TPST1: variants seen among roughly 807,000 people sequenced by gnomAD.
The protein encoded by TPST1 is tyrosylprotein sulfotransferase 1, also known as protein-tyrosine sulfotransferase 1.
In TPST1, 20 loss-of-function variants were observed where a neutral mutation model predicts 34.8. The ratio of observed to expected loss-of-function variants is 0.57; its 90% CI spans 0.40 to 0.84. TPST1 has a LOEUF of 0.84. Among genes scored for constraint, TPST1 ranks in the 40% least tolerant of loss-of-function variants. TPST1 has a pLI of 0.00. For synonymous variants in TPST1, 152 were observed against 159.4 expected (o/e 0.95, Z 0.35); for missense variants, 353 against 455.5 (o/e 0.78, Z 2.05).
intron 4 of TPST1, chr7:66,352,777 T>C: frequency 1.0e-6 from 1 of 985,390 alleles, no homozygotes; most frequent in Non-Finnish European, 1.2e-6. Flanking sequence ...GCTCAGTGTC[T>C]CCCAAAACCA....
chr7:66,324,885 A>C (rs1464345029), intron 3 of TPST1, among the ~76,000 whole-genome samples: 1 of 151,340 alleles, frequency 6.6e-6, no homozygotes, highest in Non-Finnish European at 1.5e-5. Context: ...TCTTCCAGGC[A>C]AAAAAAACAA....
At chr7:66,328,884 C>A (rs866623917) in intron 3 of TPST1, among the ~76,000 whole-genome samples, 212 of 29,390 alleles carry the variant, frequency 7.2e-3, no homozygotes, top group South Asian at 0.015. Context: ...CTCTCTCTCT[C>A]TCTATATATA....
intron 3 of TPST1, among the ~76,000 whole-genome samples, chr7:66,302,455 G>T (rs1791336185): frequency 1.3e-5 from 2 of 152,152 alleles, no homozygotes; most frequent in African/African-American, 4.8e-5. Context: ...GCTCCCACCA[G>T]CACTTACTAA....
chr7:66,230,281 C>A (rs1037571071), intron 1 of TPST1, among the ~76,000 whole-genome samples: 1 of 152,244 alleles, frequency 6.6e-6, no homozygotes, highest in Non-Finnish European at 1.5e-5. Context: ...CTATTCTGGA[C>A]ATTTCATGTA....
At chr7:66,297,683 A>T (rs536995342) in intron 3 of TPST1, among the ~76,000 whole-genome samples, 1 of 152,366 alleles carries the variant, frequency 6.6e-6, no homozygotes, top group African/African-American at 2.4e-5. Flanking sequence ...AAGAAACATG[A>T]AAATGAAGTC....
chr7:66,225,483 A>G (rs62465550), intron 1 of TPST1, among the ~76,000 whole-genome samples: 5,561 of 152,082 alleles, frequency 0.037, 158 homozygotes, highest in East Asian at 0.077. Context: ...GTGGCGGCAC[A>G]TGCCTGTAAT....
chr7:66,257,558 T>C (rs2115681965), intron 2 of TPST1, among the ~76,000 whole-genome samples: 2 of 152,358 alleles, frequency 1.3e-5, no homozygotes, highest in Non-Finnish European at 2.9e-5. Context: ...GGGAGTCTAG[T>C]GACCTCTTTT....
chr7:66,256,510 T>C (rs1790386421), intron 2 of TPST1, among the ~76,000 whole-genome samples: 1 of 152,354 alleles, frequency 6.6e-6, no homozygotes, highest in South Asian at 2.1e-4. Context: ...CAGTTCCTTC[T>C]CTGTCTTAGG....
At chr7:66,241,937 A>G (rs1231599229) in intron 2 of TPST1, among the ~76,000 whole-genome samples, 2 of 152,186 alleles carry the variant, frequency 1.3e-5, no homozygotes, top group Non-Finnish European at 2.9e-5. Context: ...TTCCTTTGTC[A>G]TCTGAAGGAT....
intron 3 of TPST1, among the ~76,000 whole-genome samples, chr7:66,350,959 CAT>C (rs1371004434): frequency 1.3e-5 from 2 of 152,168 alleles, no homozygotes; most frequent in African/African-American, 4.8e-5. Context: ...GTATATCACA[CAT>C]ACAGTATACC....
intron 3 of TPST1, among the ~76,000 whole-genome samples, chr7:66,309,005 TCTC>T (rs555243530): frequency 1.6e-3 from 239 of 152,310 alleles, no homozygotes; most frequent in African/African-American, 5.5e-3. Context: ...TTCAAGCACT[TCTC>T]CTGCTCAGTC....
intron 2 of TPST1, among the ~76,000 whole-genome samples, chr7:66,260,713 A>G (rs1328159411): frequency 1.3e-5 from 2 of 152,060 alleles, no homozygotes; most frequent in Non-Finnish European, 2.9e-5. Flanking sequence ...TTGTTCTGGG[A>G]TGCAGTTAAC....
At chr7:66,223,260 A>G (rs1269228581) in intron 1 of TPST1, among the ~76,000 whole-genome samples, 2 of 151,770 alleles carry the variant, frequency 1.3e-5, no homozygotes, top group Admixed American at 6.6e-5. Flanking sequence ...CAGCCTGGGC[A>G]TCATAAGGAG....
intron 1 of TPST1, among the ~76,000 whole-genome samples, chr7:66,210,318 T>C (rs1294117206): frequency 1.3e-5 from 2 of 152,228 alleles, no homozygotes; most frequent in African/African-American, 4.8e-5. Context: ...AACATCTTGA[T>C]GCCCAGGAAA....
intron 2 of TPST1, among the ~76,000 whole-genome samples, chr7:66,250,087 A>T (rs914048601): frequency 4.6e-5 from 7 of 152,214 alleles, no homozygotes; most frequent in African/African-American, 1.7e-4. Flanking sequence ...TTATCTATAA[A>T]ACAGGGAAGA....
chr7:66,230,974 C>T (rs189497003), intron 1 of TPST1, among the ~76,000 whole-genome samples: 77 of 152,224 alleles, frequency 5.1e-4, no homozygotes, highest in South Asian at 4.2e-4. Context: ...TACAGAGTGT[C>T]GATTGGTGCA....
intron 2 of TPST1, among the ~76,000 whole-genome samples, chr7:66,244,710 T>C (rs998364692): frequency 3.3e-5 from 5 of 152,182 alleles, no homozygotes; most frequent in African/African-American, 1.2e-4. Context: ...CTCATTATGA[T>C]ACCATGAAAT....
intron 3 of TPST1, among the ~76,000 whole-genome samples, chr7:66,349,037 T>C (rs747069163): frequency 6.6e-6 from 1 of 152,224 alleles, no homozygotes; most frequent in Non-Finnish European, 1.5e-5. Context: ...TTATGCCTTA[T>C]GCTTTTTATA....
intron 3 of TPST1, among the ~76,000 whole-genome samples, chr7:66,289,206 C>T (rs1791085794): frequency 1.7e-5 from 1 of 58,418 alleles, no homozygotes; most frequent in South Asian, 4.6e-4. Flanking sequence ...GGGATGAAGC[C>T]CACCTGATCA....
Sources: gnomAD v4.1 joint callset for allele counts (sites outside exome capture counted in the v4.1 genomes callset) on GRCh38, gnomAD v4.1.1 for gene constraint, MANE v1.5 for transcripts, NCBI Gene and HGNC (gene_info 2026-07-23, HGNC 2026-07-21) for gene names.